PCCA: variants seen among roughly 807,000 people sequenced by gnomAD.
The protein encoded by PCCA is propionyl-CoA carboxylase alpha chain, mitochondrial.
PCCA carries 74 observed loss-of-function variants against 101.3 expected under a neutral mutation model. The observed-to-expected ratio is 0.73, with a 90% CI of 0.61 to 0.89. The LOEUF (loss-of-function observed/expected upper bound fraction) is 0.89. Ranked by LOEUF, PCCA falls within the 40% of genes least tolerant of loss-of-function variation. The pLI, the probability that PCCA is intolerant of heterozygous loss-of-function variation, is 0.00. For missense variants in PCCA, 891 were observed against 907.0 expected (o/e 0.98, Z 0.23); for synonymous variants, 294 against 313.6 (o/e 0.94, Z 0.66).
intron 22 of PCCA, among the ~76,000 whole-genome samples, chr13:100,519,379 C>T (rs1216875708): frequency 6.6e-6 from 1 of 152,242 alleles, no homozygotes. Flanking sequence ...ATGAAAAGAT[C>T]CACCTCGTGA....
At chr13:100,245,540 A>G (rs2061385125) in intron 8 of PCCA, among the ~76,000 whole-genome samples, 1 of 152,272 alleles carries the variant, frequency 6.6e-6, no homozygotes. Flanking sequence ...ATTTTGTTCT[A>G]TGCTATCCTT....
At chr13:100,406,043 G>T (rs894498464) in intron 19 of PCCA, among the ~76,000 whole-genome samples, 8 of 151,996 alleles carry the variant, frequency 5.3e-5, no homozygotes, top group Non-Finnish European at 1.0e-4. Flanking sequence ...GGGATTACAG[G>T]CATGAGCCAC....
chr13:100,502,626 C>T (rs369316783), intron 21 of PCCA, among the ~76,000 whole-genome samples: 260 of 152,308 alleles, frequency 1.7e-3, no homozygotes, highest in African/African-American at 6.0e-3. Context: ...AAGCTTTTGG[C>T]AGTTACTTTT....
chr13:100,435,403 C>T (rs917492785), intron 20 of PCCA, among the ~76,000 whole-genome samples: 5 of 152,264 alleles, frequency 3.3e-5, no homozygotes, highest in African/African-American at 9.6e-5. Flanking sequence ...AGATTTGGAG[C>T]GGACACATCC....
chr13:100,529,462 G>C (rs2088180807), intron 23 of PCCA, among the ~76,000 whole-genome samples: 2 of 152,092 alleles, frequency 1.3e-5, no homozygotes, highest in Non-Finnish European at 1.5e-5. Flanking sequence ...TTTTAAGTCA[G>C]AACACAAATT....
At chr13:100,450,680 T>A (rs868548279) in intron 21 of PCCA, among the ~76,000 whole-genome samples, 1 of 152,190 alleles carries the variant, frequency 6.6e-6, no homozygotes, top group African/African-American at 2.4e-5. Flanking sequence ...AGGAAGGATG[T>A]TAATAAAATG....
chr13:100,121,177 TA>T lies in PCCA; in HGVS notation c.300+9119del, dbSNP rs777048904. ...GGTTTTTTTTTTTTTTTTTTTTTTT[TA>T]AAGATGGAGTTTCTGTCACCCAGGC... On this transcript the variant is annotated intron_variant, in intron 4 of 23. Coordinates refer to ENST00000376285, the MANE Select transcript of PCCA (RefSeq NM_000282.4). Among the ~76,000 whole-genome samples the T allele has an allele frequency of 3.7e-3, 170 of 46,010 alleles. 7 individuals carry two copies. Among genetic ancestry groups the T allele is most frequent in the African/African-American group, 0.015 (118 of 7,734 alleles). 30.2% of individuals were successfully genotyped at this position (46,010 alleles called of 152,430 possible).
At chr13:100,422,623 C>T (rs1254377392) in intron 19 of PCCA, among the ~76,000 whole-genome samples, 1 of 152,156 alleles carries the variant, frequency 6.6e-6, no homozygotes, top group Non-Finnish European at 1.5e-5. Context: ...TATCTGTTGT[C>T]TTCTCAGTAA....
intron 4 of PCCA, among the ~76,000 whole-genome samples, chr13:100,132,021 TG>T (rs1386280845): frequency 2.0e-5 from 3 of 152,140 alleles, no homozygotes; most frequent in Non-Finnish European, 4.4e-5. Context: ...TAGGTGAAGC[TG>T]GGAGAGGACA....
intron 5 of PCCA, among the ~76,000 whole-genome samples, chr13:100,156,861 T>C (rs2053942077): frequency 6.6e-6 from 1 of 152,216 alleles, no homozygotes. Flanking sequence ...TTTTCATCCA[T>C]CTTTGCCAAG....
At chr13:100,177,343 A>G (rs1227518229) in intron 6 of PCCA, among the ~76,000 whole-genome samples, 3 of 152,170 alleles carry the variant, frequency 2.0e-5, no homozygotes, top group Non-Finnish European at 4.4e-5. Context: ...TCAGAGTAGT[A>G]TTTATTTGTT....
chr13:100,335,461 A>G (rs770740967), intron 17 of PCCA, among the ~76,000 whole-genome samples: 1 of 152,218 alleles, frequency 6.6e-6, no homozygotes, highest in African/African-American at 2.4e-5. Flanking sequence ...GTAGCTCATT[A>G]CCACTGCAGA....
At chr13:100,515,667 CT>C (rs773997052) in intron 22 of PCCA, 100 bp downstream of exon 22, 36 of 1,430,188 alleles carry the variant, frequency 2.5e-5, no homozygotes, top group Admixed American at 6.7e-5. Context: ...CTTTGCAGTT[CT>C]TACTTAACCG....
chr13:100,497,178 C>G (rs1460424187), intron 21 of PCCA, among the ~76,000 whole-genome samples: 2 of 152,198 alleles, frequency 1.3e-5, no homozygotes, highest in Non-Finnish European at 2.9e-5. Flanking sequence ...AGTTTCATCA[C>G]AGGATGCACA....
chr13:100,462,412 A>C (rs2082225442), intron 21 of PCCA, among the ~76,000 whole-genome samples: 1 of 152,194 alleles, frequency 6.6e-6, no homozygotes, highest in African/African-American at 2.4e-5. Flanking sequence ...GTTGAACATG[A>C]CTTGGTCCCT....
intron 19 of PCCA, among the ~76,000 whole-genome samples, chr13:100,422,070 T>TTTTCTTTC (rs1555454057): frequency 1.4e-4 from 16 of 110,666 alleles, no homozygotes; most frequent in Non-Finnish European, 5.5e-5. Flanking sequence ...TTCTCTTTTC[T>TTTTCTTTC]TTTCTTTCTT....
At chr13:100,283,187 G>A (rs2064281401) in intron 12 of PCCA, among the ~76,000 whole-genome samples, 1 of 152,180 alleles carries the variant, frequency 6.6e-6, no homozygotes, top group Non-Finnish European at 1.5e-5. Flanking sequence ...GGCCTTTAAT[G>A]TAAAGAATGC....
chr13:100,256,761 A>G (rs74447824), intron 8 of PCCA, among the ~76,000 whole-genome samples: 2,303 of 152,308 alleles, frequency 0.015, 66 homozygotes, highest in African/African-American at 0.052. Flanking sequence ...AGAAAAGATC[A>G]TAAACAAATG....
intron 19 of PCCA, among the ~76,000 whole-genome samples, chr13:100,404,737 G>A (rs2077571942): frequency 6.6e-6 from 1 of 152,144 alleles, no homozygotes; most frequent in Non-Finnish European, 1.5e-5. Flanking sequence ...AGGGGGCCTA[G>A]GGGGTGAGAA....
Sources: allele counts gnomAD v4.1 joint callset (sites outside exome capture counted in the v4.1 genomes callset), GRCh38; gene constraint gnomAD v4.1.1; transcripts MANE v1.5; gene names NCBI Gene and HGNC (gene_info 2026-07-23, HGNC 2026-07-21).